Variants in TRPC6 observed in about 807,000 individuals in gnomAD.
TRPC6 encodes the protein transient receptor potential cation channel subfamily C member 6.
TRPC6 carries 55 observed loss-of-function variants against 90.7 expected under a neutral mutation model. The observed-to-expected ratio is 0.61, with a 90% CI of 0.49 to 0.76. The LOEUF (loss-of-function observed/expected upper bound fraction) is 0.76, where lower values mean the gene tolerates loss of function less well. Ranked by LOEUF, TRPC6 falls within the 30% of genes least tolerant of loss-of-function variation. The pLI is 0.00. For synonymous variants in TRPC6, 393 were observed against 393.0 expected, an observed-to-expected ratio of 1.00 and a Z score of 0.00; for missense variants, 989 against 1,122.7, an observed-to-expected ratio of 0.88 and a Z score of 1.70.
chr11:101,479,285 C>T (rs1859493134), intron 5 of TRPC6, among the ~76,000 whole-genome samples: 1 of 152,230 alleles, frequency 6.6e-6, no homozygotes, highest in African/African-American at 2.4e-5. Flanking sequence ...CCCAGGACTG[C>T]ATCTGCTTTC....
chr11:101,542,115 G>T (rs760419514), intron 1 of TRPC6, among the ~76,000 whole-genome samples: 2 of 152,180 alleles, frequency 1.3e-5, no homozygotes, highest in Non-Finnish European at 2.9e-5. Flanking sequence ...TGAAATTAGA[G>T]CCATAATTGT....
At chr11:101,547,428 G>A (rs117826944) in intron 1 of TRPC6, among the ~76,000 whole-genome samples, 1 of 152,096 alleles carries the variant, frequency 6.6e-6, no homozygotes, top group Non-Finnish European at 1.5e-5. Context: ...GGATAGCATG[G>A]AACAAATGCT....
intron 1 of TRPC6, 66 bp downstream of exon 1, chr11:101,583,268 C>A: frequency 6.6e-7 from 1 of 1,520,750 alleles, no homozygotes; most frequent in Non-Finnish European, 8.8e-7. Context: ...CTCGGCCACT[C>A]CTGCGAGCGC....
At chr11:101,514,654 C>T (rs1026241240) in intron 1 of TRPC6, among the ~76,000 whole-genome samples, 7 of 152,178 alleles carry the variant, frequency 4.6e-5, no homozygotes, top group Non-Finnish European at 8.8e-5. Flanking sequence ...CAGTTTAGCA[C>T]TTAGCACTTC....
At chr11:101,460,558 T>C (rs1289756789) in intron 10 of TRPC6, among the ~76,000 whole-genome samples, 1 of 152,198 alleles carries the variant, frequency 6.6e-6, no homozygotes, top group African/African-American at 2.4e-5. Flanking sequence ...ACTGTGTATG[T>C]GTGTGATATT....
intron 1 of TRPC6, among the ~76,000 whole-genome samples, chr11:101,511,784 G>C (rs1860399265): frequency 6.6e-6 from 1 of 152,038 alleles, no homozygotes; most frequent in African/African-American, 2.4e-5. Flanking sequence ...CTGAGGTCAG[G>C]AGTTTGAGAT....
intron 2 of TRPC6, among the ~76,000 whole-genome samples, chr11:101,494,174 C>G (rs1025285509): frequency 1.3e-5 from 2 of 152,088 alleles, no homozygotes; most frequent in Non-Finnish European, 2.9e-5. Flanking sequence ...ACATATTTGT[C>G]CATGTCCACT....
chr11:101,453,043 G>C lies in TRPC6; in HGVS notation c.2708C>G (p.Ser903Cys). The C allele has an allele frequency of 6.2e-7, 1 of 1,613,846 alleles. No homozygotes were observed. The highest frequency in any genetic ancestry group is 8.5e-7 in the Non-Finnish European group (1 of 1,179,828). Reference protein sequence around the residue: ...SLRYELLEEKSQNTEDLAELI... With the variant: ...SLRYELLEEKCQNTEDLAELI... ...TTCTGCTAGGTCTTCTGTATTCTGA[G>C]ATTTTTCTTCAAGGAGTTCATAGCG... Residue 903 changes from serine to cysteine, a missense_variant, in exon 13 of 13, where the codon TCT becomes TGT. Ser to Cys is a moderately radical substitution (Grantham distance 112, BLOSUM62 -1). Transcript: ENST00000344327.
intron 8 of TRPC6, among the ~76,000 whole-genome samples, chr11:101,471,936 C>G (rs755337821): frequency 6.6e-6 from 1 of 152,192 alleles, no homozygotes; most frequent in Admixed American, 6.5e-5. Flanking sequence ...TGCCTTACGT[C>G]TCTGCCCCAT....
At chr11:101,491,997 C>T (rs528515341) in intron 2 of TRPC6, among the ~76,000 whole-genome samples, 6 of 151,786 alleles carry the variant, frequency 4.0e-5, no homozygotes, top group East Asian at 2.0e-4. Flanking sequence ...CCCGCCACCA[C>T]GCCCGGCTAA....
chr11:101,491,228 C>G (rs942480067), intron 3 of TRPC6, among the ~76,000 whole-genome samples: 5 of 151,966 alleles, frequency 3.3e-5, no homozygotes, highest in African/African-American at 1.2e-4. Flanking sequence ...GGGCGGATCA[C>G]AAGGTCAGGA....
intron 7 of TRPC6, among the ~76,000 whole-genome samples, chr11:101,472,799 CT>C (rs141546141): frequency 0.014 from 2,083 of 152,136 alleles, 31 homozygotes; most frequent in African/African-American, 0.047. Context: ...TGCTTTAGGC[CT>C]AATTATTGAC....
At chr11:101,455,549 G>C (rs186607501) in intron 10 of TRPC6, 188 of 160,144 alleles carry the variant, frequency 1.2e-3, no homozygotes, top group Non-Finnish European at 2.0e-3. Flanking sequence ...GTAAGACTGT[G>C]GTGGAGCAGA....
chr11:101,473,607 G>C lies in TRPC6; in HGVS notation c.1911C>G (p.Phe637Leu). The change falls in exon 7 of 13, where the codon TTC (phenylalanine) becomes TTG (leucine). Residue 637 changes from phenylalanine to leucine, a missense_variant. Physicochemically the swap from Phe to Leu is conservative, Grantham distance 22. Around this residue, in one of 4 missense-constraint regions of TRPC6, gnomAD observed 118 missense variants for 197.6 expected, o/e 0.60. Coordinates refer to ENST00000344327, the MANE Select transcript of TRPC6 (RefSeq NM_004621.6). ...CAAACACCATAATGAATATGACCAT[G>C]AACTTGAAGATGTCTTTGACTGTTC... ...LGRTVKDIFKFMVIFIMVFVA... is the reference protein window; with the variant it reads ...LGRTVKDIFKLMVIFIMVFVA... 1 of 1,613,738 alleles carries C rather than the reference G, an allele frequency of 6.2e-7. No individual in the cohort carries two copies. The highest frequency in any genetic ancestry group is 8.5e-7 in the Non-Finnish European group (1 of 1,179,776).
chr11:101,453,782 C>A, intron 11 of TRPC6, 57 bp from the exon 12 acceptor site: 1 of 1,527,366 alleles, frequency 6.5e-7, no homozygotes, highest in Non-Finnish European at 9.1e-7. Context: ...ACAAATCTCT[C>A]ATTTGGAACA....
intron 1 of TRPC6, 100 bp downstream of exon 1, chr11:101,583,234 G>A: frequency 1.4e-6 from 2 of 1,480,212 alleles, no homozygotes; most frequent in South Asian, 1.3e-5. Context: ...GTACACACGC[G>A]GGTTCAGGAC....
rs754652130 is a variant in TRPC6 at position 101,491,549 on chromosome 11, A to G, written c.1128+7T>C. ...ATAATGTAAACGGGCTTCACGCCTG[A>G]CCTTACTTTTTTTACTTCATATTTA... On this transcript the variant is annotated splice_region_variant and intron_variant, in intron 3 of 12. Transcript: ENST00000344327. The G allele has an allele frequency of 8.7e-6, 14 of 1,613,634 alleles. No homozygotes were observed. The highest frequency in any genetic ancestry group is 1.2e-5 in the Non-Finnish European group (14 of 1,179,762).
At position 101,482,285 on chromosome 11, in the gene TRPC6, ATATC is replaced by A. The variant is rs527861944; in HGVS notation, c.1510+660_1510+663del. On this transcript the variant is annotated intron_variant, in intron 5 of 12. Transcript: ENST00000344327. ...AGCCACTGGATTTATTTATTCATAA[ATATC>A]TAATTGAAGTATCTTTATTGTTTGC... Among the ~76,000 whole-genome samples, 739 of 152,336 alleles carry A rather than the reference ATATC, an allele frequency of 4.9e-3. 8 individuals are homozygous for A. The highest frequency in any genetic ancestry group is 0.017 in the African/African-American group (704 of 41,568).
At chr11:101,483,587 ATAC>A (rs1160692026) in intron 4 of TRPC6, among the ~76,000 whole-genome samples, 8 of 152,158 alleles carry the variant, frequency 5.3e-5, no homozygotes, top group African/African-American at 1.9e-4. Flanking sequence ...GTCCTCACAT[ATAC>A]TTCATTGACA....
Sources: allele counts gnomAD v4.1 joint callset (sites outside exome capture counted in the v4.1 genomes callset), GRCh38; gene constraint gnomAD v4.1.1; regional missense constraint gnomAD v4.1.1; transcripts MANE v1.5; gene names NCBI Gene and HGNC (gene_info 2026-07-23, HGNC 2026-07-21).